Variants in MAJIN observed in about 807,000 individuals in gnomAD.
The protein encoded by MAJIN is membrane-anchored junction protein.
A neutral mutation model predicts 30.2 loss-of-function variants in MAJIN; 27 were observed. The observed-to-expected ratio is 0.89, with a 90% CI of 0.66 to 1.23. The LOEUF (loss-of-function observed/expected upper bound fraction) is 1.23, where lower values mean the gene tolerates loss of function less well. Ranked by LOEUF, MAJIN falls within the 50% of genes most tolerant of loss-of-function variation. The pLI, the probability that MAJIN is intolerant of heterozygous loss-of-function variation, is 0.00. For synonymous variants in MAJIN, 78 were observed against 91.6 expected (o/e 0.85, Z 0.85); for missense variants, 253 against 260.3 (o/e 0.97, Z 0.19).
At chr11:64,958,122 T>C (rs989953358) in intron 3 of MAJIN, among the ~76,000 whole-genome samples, 2 of 151,814 alleles carry the variant, frequency 1.3e-5, no homozygotes, top group African/African-American at 2.4e-5. Context: ...TTTTTATTTT[T>C]GGTAGAGACG....
chr11:64,951,600 A>G (rs1270219818), intron 4 of MAJIN, among the ~76,000 whole-genome samples: 4 of 152,092 alleles, frequency 2.6e-5, no homozygotes, highest in Non-Finnish European at 4.4e-5. Flanking sequence ...CTCCATCTCT[A>G]CAAAAAATAC....
At chr11:64,942,429 C>G (rs1457305911) in intron 8 of MAJIN, among the ~76,000 whole-genome samples, 2 of 151,920 alleles carry the variant, frequency 1.3e-5, no homozygotes, top group African/African-American at 4.8e-5. Context: ...TCCCTCACCC[C>G]CTTCCCACCC....
intron 9 of MAJIN, 152 bp downstream of exon 9, chr11:64,940,422 C>A: frequency 1.4e-6 from 1 of 718,604 alleles, no homozygotes; most frequent in South Asian, 1.8e-5. Context: ...GCCCCCAGAC[C>A]AGAGGATGGC....
At chr11:64,959,203 C>A in intron 3 of MAJIN, 102 bp downstream of exon 3, 3 of 790,230 alleles carry the variant, frequency 3.8e-6, no homozygotes, top group South Asian at 1.7e-5. Flanking sequence ...TGCTACTTTA[C>A]CAGTCTCCTG....
At chr11:64,942,684 A>C (rs1406653569) in intron 8 of MAJIN, among the ~76,000 whole-genome samples, 1 of 152,152 alleles carries the variant, frequency 6.6e-6, no homozygotes, top group African/African-American at 2.4e-5. Context: ...ATCCCAGACC[A>C]CATGGGCAGC....
At chr11:64,970,361 C>CT (rs1196525730) in intron 1 of MAJIN, among the ~76,000 whole-genome samples, 701 of 66,036 alleles carry the variant, frequency 0.011, 54 homozygotes, top group African/African-American at 0.025. Context: ...AAGACTCCGT[C>CT]TTTTTTTTTT....
rs545783428 is a variant in MAJIN, at chr11:64,967,205, C to A, written c.-65+4672G>T. Among the ~76,000 whole-genome samples the A allele has an allele frequency of 3.0e-3, 456 of 151,876 alleles. 1 individual carries two copies. Among genetic ancestry groups the A allele is most frequent in the Non-Finnish European group, 5.7e-3 (385 of 67,968 alleles). Reference sequence around the variant, plus strand: ...GGCAGATCACTTGAGGTCAGGAGTTCGAGACGAACCTGGCCAACGTGGTGA... The same window carrying A: ...GGCAGATCACTTGAGGTCAGGAGTTAGAGACGAACCTGGCCAACGTGGTGA... On this transcript the variant is annotated intron_variant, in intron 1 of 10. Coordinates refer to ENST00000301896, the MANE Select transcript of MAJIN (RefSeq NM_001037225.3).
At chr11:64,952,488 G>T (rs1212347637) in intron 4 of MAJIN, among the ~76,000 whole-genome samples, 1 of 151,456 alleles carries the variant, frequency 6.6e-6, no homozygotes, top group East Asian at 2.0e-4. Context: ...GAGCCCGGCT[G>T]TGTTTTTATA....
chr11:64,954,460 G>T, intron 4 of MAJIN: 1 of 479,400 alleles, frequency 2.1e-6, no homozygotes. Flanking sequence ...CAGTCCTCCG[G>T]AATCTTTCTC....
chr11:64,948,604 TATATATATA>T (rs1454460840), intron 6 of MAJIN, among the ~76,000 whole-genome samples: 855 of 21,446 alleles, frequency 0.04, 71 homozygotes, highest in African/African-American at 0.052. Context: ...GGCTACATCA[TATATATATA>T]TATATATATA....
chr11:64,953,838 G>C (rs886973370), intron 4 of MAJIN, among the ~76,000 whole-genome samples: 5 of 152,050 alleles, frequency 3.3e-5, no homozygotes, highest in Admixed American at 3.3e-4. Flanking sequence ...ACATTTTCTT[G>C]GTCCTATGTT....
At chr11:64,951,822 G>A (rs1320165882) in intron 4 of MAJIN, among the ~76,000 whole-genome samples, 2 of 148,750 alleles carry the variant, frequency 1.3e-5, no homozygotes, top group African/African-American at 4.9e-5. Flanking sequence ...ATTCTCCATA[G>A]TAGCACAGTG....
chr11:64,960,347 T>A (rs1044034343), intron 1 of MAJIN, among the ~76,000 whole-genome samples: 1 of 152,206 alleles, frequency 6.6e-6, no homozygotes, highest in African/African-American at 2.4e-5. Context: ...CCCTAATTTC[T>A]GAGCCTTGGT....
At chr11:64,952,902 G>A (rs547040759) in intron 4 of MAJIN, among the ~76,000 whole-genome samples, 4 of 151,132 alleles carry the variant, frequency 2.6e-5, no homozygotes, top group Admixed American at 6.6e-5. Flanking sequence ...ACGGGGTTTC[G>A]CCATGTTGGC....
chr11:64,941,188 C>T (rs1211338528), intron 8 of MAJIN, among the ~76,000 whole-genome samples: 2 of 152,084 alleles, frequency 1.3e-5, no homozygotes, highest in African/African-American at 2.4e-5. Context: ...CCTCTAAAAC[C>T]ATAAGATTTA....
chr11:64,968,927 G>A (rs746001682), intron 1 of MAJIN, among the ~76,000 whole-genome samples: 41 of 152,128 alleles, frequency 2.7e-4, no homozygotes, highest in Non-Finnish European at 4.7e-4. Flanking sequence ...GGGACAGGAG[G>A]AGAAATAGGG....
At chr11:64,960,982 A>C (rs1945712024) in intron 1 of MAJIN, among the ~76,000 whole-genome samples, 1 of 152,232 alleles carries the variant, frequency 6.6e-6, no homozygotes, top group Admixed American at 6.5e-5. Flanking sequence ...CCGGAGGGGA[A>C]ATACTGATCA....
intron 1 of MAJIN, among the ~76,000 whole-genome samples, chr11:64,963,845 ATTAATGAG>A (rs1317053439): frequency 6.6e-6 from 1 of 152,158 alleles, no homozygotes; most frequent in African/African-American, 2.4e-5. Context: ...TCTCAAGACC[ATTAATGAG>A]TGTGGGTAAC....
chr11:64,942,046 C>T (rs1590689335), intron 8 of MAJIN, among the ~76,000 whole-genome samples: 1 of 152,178 alleles, frequency 6.6e-6, no homozygotes, highest in Non-Finnish European at 1.5e-5. Flanking sequence ...GGACATTTTA[C>T]AACCTGATTC....
Sources: allele counts gnomAD v4.1 joint callset (sites outside exome capture counted in the v4.1 genomes callset), GRCh38; gene constraint gnomAD v4.1.1; transcripts MANE v1.5; gene names NCBI Gene and HGNC (gene_info 2026-07-23, HGNC 2026-07-21).